MKLN1: variants seen among roughly 807,000 people sequenced by gnomAD.
MKLN1 encodes the protein muskelin 1.
MKLN1 carries 18 observed loss-of-function variants against 99.0 expected under a neutral mutation model. The observed-to-expected ratio is 0.18, with a 90% CI of 0.13 to 0.27. The LOEUF (loss-of-function observed/expected upper bound fraction) is 0.27, where lower values mean the gene tolerates loss of function less well. MKLN1 is among the 10% of genes least tolerant of loss of function. The pLI is 1.00. For missense variants in MKLN1, 621 were observed against 875.9 expected (o/e 0.71, Z 3.67); for synonymous variants, 288 against 293.2 (o/e 0.98, Z 0.18).
chr7:131,309,159 C>T (rs1245504576), intron 3 of MKLN1, among the ~76,000 whole-genome samples: 1 of 152,184 alleles, frequency 6.6e-6, no homozygotes. Flanking sequence ...AAATCATGTC[C>T]TGTAGACAAA....
chr7:131,442,365 T>A (rs755217574), intron 10 of MKLN1, among the ~76,000 whole-genome samples: 5 of 152,098 alleles, frequency 3.3e-5, no homozygotes, highest in Non-Finnish European at 5.9e-5. Context: ...CTGACCAACA[T>A]GGAGTAACAC....
intron 1 of MKLN1, among the ~76,000 whole-genome samples, chr7:131,126,721 A>G (rs541760471): frequency 6.6e-6 from 1 of 152,208 alleles, no homozygotes; most frequent in East Asian, 1.9e-4. Flanking sequence ...GCCTGGCTAA[A>G]TTTTGCATTT....
At chr7:131,304,369 G>C (rs1798423302) in intron 3 of MKLN1, among the ~76,000 whole-genome samples, 2 of 152,296 alleles carry the variant, frequency 1.3e-5, no homozygotes, top group East Asian at 1.9e-4. Flanking sequence ...GTGAGACTCT[G>C]TCTCTAAAAA....
chr7:131,427,470 A>G (rs893153871), intron 8 of MKLN1, among the ~76,000 whole-genome samples: 2 of 152,226 alleles, frequency 1.3e-5, no homozygotes, highest in African/African-American at 2.4e-5. Flanking sequence ...ACATTAAAAG[A>G]TAATAATTGG....
intron 3 of MKLN1, among the ~76,000 whole-genome samples, chr7:131,248,313 A>G (rs930538585): frequency 6.6e-6 from 1 of 152,130 alleles, no homozygotes; most frequent in African/African-American, 2.4e-5. Flanking sequence ...GTCAAAGGAA[A>G]GAGTCTCTAC....
intron 3 of MKLN1, among the ~76,000 whole-genome samples, chr7:131,210,743 AGGGAGGGAGGGAGGGGAGGG>A (rs1796889586): frequency 0.062 from 1 of 16 alleles, no homozygotes; most frequent in Non-Finnish European, 0.1. Flanking sequence ...AGGGGAAGGG[AGGGAGGGAGGGAGGGGAGGG>A]GGGAGGGGAG....
At chr7:131,461,399 G>A (rs1796511320) in intron 12 of MKLN1, among the ~76,000 whole-genome samples, 1 of 151,714 alleles carries the variant, frequency 6.6e-6, no homozygotes, top group Non-Finnish European at 1.5e-5. Context: ...AGATCAGGTT[G>A]ATATATGTGT....
At chr7:131,444,718 G>GAGTAGTAGTAGT (rs60571380) in intron 11 of MKLN1, among the ~76,000 whole-genome samples, 10 of 128,742 alleles carry the variant, frequency 7.8e-5, no homozygotes, top group South Asian at 2.7e-4. Context: ...CCTGGGTTTT[G>GAGTAGTAGTAGT]AGTAGTAGTA....
At chr7:131,117,672 G>A (rs1158930655) in intron 1 of MKLN1, among the ~76,000 whole-genome samples, 1 of 152,168 alleles carries the variant, frequency 6.6e-6, no homozygotes, top group East Asian at 1.9e-4. Context: ...ATTATTTGTG[G>A]GGAGATAAAA....
At chr7:131,362,476 A>G (rs1011264836) in intron 1 of MKLN1, among the ~76,000 whole-genome samples, 1 of 152,076 alleles carries the variant, frequency 6.6e-6, no homozygotes. Context: ...AAGTCTGCAT[A>G]GTTTGTACTA....
chr7:131,217,583 G>A (rs1563255833), intron 3 of MKLN1, among the ~76,000 whole-genome samples: 3 of 152,056 alleles, frequency 2.0e-5, no homozygotes, highest in Non-Finnish European at 2.9e-5. Context: ...CTGTAATCCC[G>A]GCTACTCAGG....
chr7:131,135,891 C>T (rs1474934996), intron 1 of MKLN1, among the ~76,000 whole-genome samples: 2 of 151,994 alleles, frequency 1.3e-5, no homozygotes, highest in African/African-American at 4.8e-5. Context: ...AGATCATGAA[C>T]CAAAATAGAT....
intron 3 of MKLN1, among the ~76,000 whole-genome samples, chr7:131,314,053 T>C (rs1358008494): frequency 6.6e-6 from 1 of 152,198 alleles, no homozygotes; most frequent in African/African-American, 2.4e-5. Flanking sequence ...AAGAAACCAG[T>C]AACTCCCTGT....
At position 131,466,921 on chromosome 7, in the gene MKLN1, A is replaced by G. The variant is rs561319848; in HGVS notation, c.1928+506A>G. On this transcript the variant is annotated intron_variant, in intron 15 of 17. Transcript: ENST00000352689. ...TATACATATACACACACACACACAC[A>G]CACGCGCGCGCGCGCACACACGCAC... Among the ~76,000 whole-genome samples the G allele has an allele frequency of 4.4e-3, 666 of 150,468 alleles. 5 individuals are homozygous for G. Among genetic ancestry groups the G allele is most frequent in the Middle Eastern group, 0.014 (4 of 292 alleles).
At chr7:131,148,173 C>A (rs1179909704) in intron 2 of MKLN1, among the ~76,000 whole-genome samples, 1 of 152,018 alleles carries the variant, frequency 6.6e-6, no homozygotes, top group Non-Finnish European at 1.5e-5. Context: ...CTCAGCTTCT[C>A]GAAGAGCTGG....
chr7:131,160,477 TTTATTATTATTATTAA>T (rs1289917820), intron 2 of MKLN1, among the ~76,000 whole-genome samples: 2 of 141,172 alleles, frequency 1.4e-5, no homozygotes, highest in African/African-American at 5.2e-5. Context: ...TTTAACTTAT[TTTATTATTATTATTAA>T]TTATTATTAT....
chr7:131,309,604 G>C (rs1283060874), intron 3 of MKLN1: 1 of 151,972 alleles, frequency 6.6e-6, no homozygotes, highest in African/African-American at 2.4e-5. Flanking sequence ...GTAGAGACAG[G>C]GTTTCGCCAC....
chr7:131,494,684 A>G lies in MKLN1; in HGVS notation c.*6956A>G, dbSNP rs1331985114. 1.4e-4 allele frequency: 21 copies of G among 152,200 alleles called. No homozygotes were observed. Among genetic ancestry groups the G allele is most frequent in the Non-Finnish European group, 2.9e-5 (2 of 68,032 alleles). 9.4% of individuals were successfully genotyped at this position (152,200 alleles called of 1,614,324 possible). ...CAAATCATCCGTTCAGAAAAATAAA[A>G]GTGGACTTCCTTTCCTAAGCATTAC... On this transcript the variant is annotated 3_prime_UTR_variant, in exon 18 of 18. Coordinates refer to ENST00000352689, the MANE Select transcript of MKLN1 (RefSeq NM_013255.5).
At chr7:131,445,968 TTC>T in intron 12 of MKLN1, 65 bp downstream of exon 12, 1 of 1,069,764 alleles carries the variant, frequency 9.3e-7, no homozygotes. Flanking sequence ...CTGCAGTTCA[TTC>T]TCTTTTCTTT....
Sources: gnomAD v4.1 joint callset for allele counts (sites outside exome capture counted in the v4.1 genomes callset) on GRCh38, gnomAD v4.1.1 for gene constraint, MANE v1.5 for transcripts, NCBI Gene and HGNC (gene_info 2026-07-23, HGNC 2026-07-21) for gene names.